HTR2C: variants seen among roughly 807,000 people sequenced by gnomAD.
HTR2C encodes 5-hydroxytryptamine receptor 2C.
In HTR2C, 5 loss-of-function variants were observed where a neutral mutation model predicts 21.0. The ratio of observed to expected loss-of-function variants is 0.24; its 90% CI spans 0.12 to 0.50. HTR2C has a LOEUF of 0.50. Among genes scored for constraint, HTR2C ranks in the 20% least tolerant of loss-of-function variants. The pLI, the probability that HTR2C is intolerant of heterozygous loss-of-function variation, is 0.98. For synonymous variants in HTR2C, 150 were observed against 145.3 expected, an observed-to-expected ratio of 1.03 and a Z score of -0.23; for missense variants, 271 against 371.2, an observed-to-expected ratio of 0.73 and a Z score of 2.22.
intron 4 of HTR2C, among the ~76,000 whole-genome samples, chrX:114,754,241 T>C (rs782610105): frequency 9.0e-6 from 1 of 111,686 alleles, no homozygotes; most frequent in African/African-American, 3.2e-5. Flanking sequence ...CTCAAATTTA[T>C]TTAATGCAAT....
At chrX:114,618,590 G>A (rs1318443872) in intron 2 of HTR2C, among the ~76,000 whole-genome samples, 1 of 111,336 alleles carries the variant, frequency 9.0e-6, no homozygotes, top group East Asian at 2.8e-4. Context: ...TTTTTATTTC[G>A]CTATTTGAAA....
intron 2 of HTR2C, among the ~76,000 whole-genome samples, chrX:114,680,228 G>T (rs1282284782): frequency 8.9e-6 from 1 of 112,228 alleles, no homozygotes; most frequent in Non-Finnish European, 1.9e-5. Context: ...AACATTAGTT[G>T]GTAGGTTAAA....
intron 2 of HTR2C, among the ~76,000 whole-genome samples, chrX:114,650,445 A>G (rs1930516559): frequency 9.0e-6 from 1 of 111,493 alleles, no homozygotes; most frequent in Non-Finnish European, 1.9e-5. Context: ...ATTTTGTCAC[A>G]GTGGTTCACA....
chrX:114,719,017 T>A, intron 2 of HTR2C, among the ~76,000 whole-genome samples: 1 of 102,288 alleles, frequency 9.8e-6, no homozygotes, highest in Admixed American at 1.2e-4. Flanking sequence ...TAATATAAAA[T>A]AAATAAATAA....
At chrX:114,840,456 A>G (rs948532465) in intron 4 of HTR2C, among the ~76,000 whole-genome samples, 17 of 111,569 alleles carry the variant, frequency 1.5e-4, no homozygotes, top group Admixed American at 4.8e-4. Context: ...AGATAGATCT[A>G]TAGAAATCGT....
chrX:114,774,104 A>T (rs1228404820), intron 4 of HTR2C, among the ~76,000 whole-genome samples: 1 of 112,482 alleles, frequency 8.9e-6, no homozygotes, highest in East Asian at 2.8e-4. Flanking sequence ...ATGTCATAAT[A>T]TATTAGTCCC....
At chrX:114,777,281 GACCTTTGAAGGC>G (rs2147396499) in intron 4 of HTR2C, among the ~76,000 whole-genome samples, 1 of 111,539 alleles carries the variant, frequency 9.0e-6, no homozygotes, top group African/African-American at 3.3e-5. Context: ...AGAGGAAAAT[GACCTTTGAAGGC>G]ACTTTCTGGG....
At chrX:114,655,746 T>G (rs782424095) in intron 2 of HTR2C, among the ~76,000 whole-genome samples, 7 of 110,968 alleles carry the variant, frequency 6.3e-5, no homozygotes, top group Non-Finnish European at 1.1e-4. Flanking sequence ...ATTGGCTTGA[T>G]TGGATTCCTT....
intron 4 of HTR2C, among the ~76,000 whole-genome samples, chrX:114,745,266 A>C (rs1337439595): frequency 8.9e-6 from 1 of 112,613 alleles, no homozygotes; most frequent in Non-Finnish European, 1.9e-5. Flanking sequence ...CGCCCCAGTT[A>C]AAATGACTTG....
chrX:114,704,562 A>G (rs1475717636), intron 2 of HTR2C, among the ~76,000 whole-genome samples: 1 of 111,798 alleles, frequency 8.9e-6, no homozygotes, highest in Non-Finnish European at 1.9e-5. Flanking sequence ...GTATCTCAAA[A>G]TAGTAAGAGC....
chrX:114,833,528 G>A lies in HTR2C; in HGVS notation c.350-14475G>A, dbSNP rs181514731. On this transcript the variant is annotated intron_variant, in intron 4 of 5. Transcript: ENST00000276198. ...ATTCTCTGATGGTAGTTTGTATTTC[G>A]GTGGGATTAGTGGTGATATCCCCTT... 5.5e-3 allele frequency among the ~76,000 whole-genome samples: 613 copies of A among 110,673 alleles called. 5 individuals carry two copies. The highest frequency in any genetic ancestry group is 0.019 in the African/African-American group (589 of 30,295).
intron 5 of HTR2C, among the ~76,000 whole-genome samples, chrX:114,858,312 C>A (rs1556471765): frequency 9.0e-6 from 1 of 111,232 alleles, no homozygotes; most frequent in Non-Finnish European, 1.9e-5. Context: ...CTTAACAATA[C>A]TATGGCTTCC....
chrX:114,736,255 T>G (rs2069589852), intron 4 of HTR2C, among the ~76,000 whole-genome samples: 1 of 111,412 alleles, frequency 9.0e-6, no homozygotes, highest in Admixed American at 9.5e-5. Context: ...CATAAAAGAT[T>G]TTTAATTAGG....
intron 4 of HTR2C, among the ~76,000 whole-genome samples, chrX:114,819,630 C>T (rs955139465): frequency 8.9e-6 from 1 of 112,500 alleles, no homozygotes; most frequent in Non-Finnish European, 1.9e-5. Context: ...TGAAGGTGCA[C>T]AAGTGCACAA....
intron 4 of HTR2C, among the ~76,000 whole-genome samples, chrX:114,787,605 C>T (rs957468748): frequency 8.1e-5 from 9 of 111,726 alleles, no homozygotes; most frequent in African/African-American, 2.9e-4. Flanking sequence ...GGTTGAAAGC[C>T]AGGGTTTTCT....
chrX:114,726,224 G>GT (rs1476943331), intron 2 of HTR2C, among the ~76,000 whole-genome samples: 3 of 112,519 alleles, frequency 2.7e-5, no homozygotes, highest in African/African-American at 9.7e-5. Flanking sequence ...CTGGTGCGCC[G>GT]TTTTTTAAGC....
chrX:114,879,478 TTTTTGGAAACAGGTGGTA>T (rs1556479309), intron 5 of HTR2C, among the ~76,000 whole-genome samples: 1 of 109,987 alleles, frequency 9.1e-6, no homozygotes, highest in African/African-American at 3.3e-5. Context: ...TTTCCATAGG[TTTTTGGAAACAGGTGGTA>T]TTTGGTTACA....
chrX:114,599,722 T>C (rs1490671563), intron 1 of HTR2C, among the ~76,000 whole-genome samples: 1 of 112,382 alleles, frequency 8.9e-6, no homozygotes, highest in Non-Finnish European at 1.9e-5. Flanking sequence ...CTTGCATATA[T>C]TGTATTGATT....
At chrX:114,684,689 A>G (rs782775298) in intron 2 of HTR2C, among the ~76,000 whole-genome samples, 283 of 111,306 alleles carry the variant, frequency 2.5e-3, no homozygotes, top group African/African-American at 8.5e-3. Flanking sequence ...TTTTTGGCAT[A>G]TAAAGTATTG....
Sources: gnomAD v4.1 joint callset for allele counts (sites outside exome capture counted in the v4.1 genomes callset) on GRCh38, gnomAD v4.1.1 for gene constraint, MANE v1.5 for transcripts, NCBI Gene and HGNC (gene_info 2026-07-23, HGNC 2026-07-21) for gene names.